The following FSD1L variants were observed in gnomAD, a reference collection of about 807,000 sequenced individuals.
FSD1L encodes the protein FSD1-like protein.
FSD1L carries 45 observed loss-of-function variants against 71.6 expected under a neutral mutation model. The observed-to-expected ratio is 0.63, with a 90% CI of 0.49 to 0.81. The LOEUF (loss-of-function observed/expected upper bound fraction) is 0.81. FSD1L is among the 30% of genes least tolerant of loss of function. FSD1L has a pLI of 0.00. For missense variants in FSD1L, 561 were observed against 618.1 expected, an observed-to-expected ratio of 0.91 and a Z score of 0.98; for synonymous variants, 197 against 207.2, an observed-to-expected ratio of 0.95 and a Z score of 0.42.
chr9:105,461,359 A>T (rs1415533551), intron 1 of FSD1L, among the ~76,000 whole-genome samples, 161 bp from the exon 2 acceptor site: 1 of 151,976 alleles, frequency 6.6e-6, no homozygotes, highest in Non-Finnish European at 1.5e-5. Context: ...CTCCGTACCA[A>T]AAAAAAAGAA....
chr9:105,466,817 A>G (rs962657410), intron 3 of FSD1L, among the ~76,000 whole-genome samples: 1 of 152,216 alleles, frequency 6.6e-6, no homozygotes, highest in African/African-American at 2.4e-5. Context: ...GGACAAGCGA[A>G]TCATCACATT....
At chr9:105,501,136 T>C (rs544976967) in intron 7 of FSD1L, among the ~76,000 whole-genome samples, 1 of 152,346 alleles carries the variant, frequency 6.6e-6, no homozygotes, top group East Asian at 1.9e-4. Context: ...TGAAGTAACT[T>C]AGGCTTATTT....
intron 9 of FSD1L, 37 bp downstream of exon 9, chr9:105,508,752 G>A (rs996591294): frequency 8.2e-7 from 1 of 1,213,524 alleles, no homozygotes; most frequent in African/African-American, 1.5e-5. Context: ...ATAAAACAAA[G>A]CTTAACATCT....
chr9:105,499,755 T>C (rs1833654159), intron 7 of FSD1L, among the ~76,000 whole-genome samples: 1 of 151,892 alleles, frequency 6.6e-6, no homozygotes, highest in African/African-American at 2.4e-5. Flanking sequence ...TCAGTCATTA[T>C]TGTTTCAAAT....
intron 9 of FSD1L, among the ~76,000 whole-genome samples, chr9:105,510,608 G>A (rs1834336965): frequency 6.6e-6 from 1 of 152,118 alleles, no homozygotes; most frequent in South Asian, 2.1e-4. Context: ...TCTTGATATG[G>A]AAAATAGTGA....
chr9:105,528,606 C>T (rs963625626), intron 10 of FSD1L, among the ~76,000 whole-genome samples: 17 of 152,158 alleles, frequency 1.1e-4, no homozygotes, highest in African/African-American at 3.9e-4. Flanking sequence ...GGACCCCTTC[C>T]TTACACCTTA....
rs1363930234 is a variant in FSD1L, at chr9:105,549,742, AAATGT to A, written c.*3264_*3268del. 1 of 152,072 alleles carries A rather than the reference AAATGT, an allele frequency of 6.6e-6. No individual in the cohort carries two copies. The highest frequency in any genetic ancestry group is 1.5e-5 in the Non-Finnish European group (1 of 67,924). 9.4% of individuals were successfully genotyped at this position (152,072 alleles called of 1,614,324 possible). A position where few individuals can be genotyped will look rare whatever the true frequency, so the allele number is the denominator to read the frequency against. Reference sequence around the variant, plus strand: ...CCTTGGCAGTATAAATGATAAAAGTAAATGTAATGGAATCTTTTAATTAGGCTAAG... The same window carrying A: ...CCTTGGCAGTATAAATGATAAAAGTAAATGGAATCTTTTAATTAGGCTAAG... On this transcript the variant is annotated 3_prime_UTR_variant, in exon 14 of 14. Transcript: ENST00000481272.
chr9:105,506,370 T>C (rs1364603228), intron 7 of FSD1L, 29 bp from the exon 8 acceptor site: 1 of 1,452,440 alleles, frequency 6.9e-7, no homozygotes, highest in East Asian at 2.5e-5. Context: ...GAGGAATGAA[T>C]GAGTCTTTTT....
chr9:105,519,991 C>T (rs1225444424), intron 10 of FSD1L: 10 of 1,381,604 alleles, frequency 7.2e-6, no homozygotes, highest in African/African-American at 2.9e-5. Context: ...GGGGAGGAGT[C>T]GGCTCTGCCC....
At chr9:105,446,102 C>T (rs561464252), upstream of FSD1L, among the ~76,000 whole-genome samples, 2 of 138,186 alleles carry the variant, frequency 1.4e-5, no homozygotes, top group South Asian at 2.1e-4. Context: ...GAAATTCAGC[C>T]CTCAAAAAAA....
At chr9:105,503,117 G>A (rs868667044) in intron 7 of FSD1L, among the ~76,000 whole-genome samples, 1 of 151,786 alleles carries the variant, frequency 6.6e-6, no homozygotes, top group South Asian at 2.1e-4. Context: ...CAAACTCCTG[G>A]GCTCAAGTGA....
At chr9:105,504,088 T>G (rs1309526304) in intron 7 of FSD1L, among the ~76,000 whole-genome samples, 1 of 152,238 alleles carries the variant, frequency 6.6e-6, no homozygotes, top group Non-Finnish European at 1.5e-5. Flanking sequence ...AGTTGCAGAT[T>G]TATGACTCAG....
intron 1 of FSD1L, among the ~76,000 whole-genome samples, chr9:105,457,677 C>T (rs1386051366): frequency 6.6e-6 from 1 of 152,250 alleles, no homozygotes; most frequent in Non-Finnish European, 1.5e-5. Flanking sequence ...GCTTGTTCTG[C>T]CCACTTGGCC....
At chr9:105,496,732 T>C (rs577808622) in intron 7 of FSD1L, among the ~76,000 whole-genome samples, 1 of 152,404 alleles carries the variant, frequency 6.6e-6, no homozygotes, top group East Asian at 1.9e-4. Context: ...CCTTGTATCC[T>C]GCAGCCTTGC....
At chr9:105,513,426 C>T (rs1395170548) in intron 10 of FSD1L, among the ~76,000 whole-genome samples, 1 of 152,148 alleles carries the variant, frequency 6.6e-6, no homozygotes, top group Non-Finnish European at 1.5e-5. Context: ...ATGGGATCCT[C>T]TTTCTTTTTT....
At chr9:105,491,486 T>C (rs934224127) in intron 7 of FSD1L, among the ~76,000 whole-genome samples, 6 of 152,132 alleles carry the variant, frequency 3.9e-5, no homozygotes, top group Non-Finnish European at 8.8e-5. Flanking sequence ...TGAATACCCT[T>C]TATTTCCTTC....
At chr9:105,485,406 C>G (rs1029318557) in intron 7 of FSD1L, among the ~76,000 whole-genome samples, 4 of 152,112 alleles carry the variant, frequency 2.6e-5, no homozygotes, top group African/African-American at 9.7e-5. Flanking sequence ...AGACATTAAT[C>G]CATTGTAATG....
At chr9:105,458,876 T>TA (rs2131592551) in intron 1 of FSD1L, among the ~76,000 whole-genome samples, 1 of 152,276 alleles carries the variant, frequency 6.6e-6, no homozygotes, top group Non-Finnish European at 1.5e-5. Context: ...GAGCACAAAT[T>TA]AGAGGAGAGG....
chr9:105,482,729 GT>G (rs924038135), intron 6 of FSD1L, among the ~76,000 whole-genome samples: 2 of 151,868 alleles, frequency 1.3e-5, no homozygotes, highest in Admixed American at 6.6e-5. Context: ...AGTTGTTCTT[GT>G]TTTTTTTAAA....
Sources: allele counts gnomAD v4.1 joint callset (sites outside exome capture counted in the v4.1 genomes callset), GRCh38; gene constraint gnomAD v4.1.1; transcripts MANE v1.5; gene names NCBI Gene and HGNC (gene_info 2026-07-23, HGNC 2026-07-21).